Variants in DENND1A observed in about 807,000 individuals in gnomAD.
DENND1A encodes DENN domain containing 1A, also known as DENN domain-containing protein 1A.
DENND1A carries 51 observed loss-of-function variants against 113.7 expected under a neutral mutation model. The ratio of observed to expected loss-of-function variants is 0.45; its 90% CI spans 0.36 to 0.57. The LOEUF is 0.57. Ranked by LOEUF, DENND1A falls within the 20% of genes least tolerant of loss-of-function variation. DENND1A has a pLI of 0.00. For synonymous variants in DENND1A, 565 were observed against 570.8 expected, an observed-to-expected ratio of 0.99 and a Z score of 0.14; for missense variants, 1,258 against 1,395.9, an observed-to-expected ratio of 0.90 and a Z score of 1.57.
intron 12 of DENND1A, among the ~76,000 whole-genome samples, chr9:123,574,602 AC>A (rs1003244796): frequency 3.9e-5 from 6 of 152,160 alleles, no homozygotes; most frequent in Non-Finnish European, 8.8e-5. Context: ...TATTCTCCTT[AC>A]CCAGTTTCAG....
At chr9:123,389,609 C>G (rs756983774) in intron 21 of DENND1A, among the ~76,000 whole-genome samples, 1 of 152,252 alleles carries the variant, frequency 6.6e-6, no homozygotes. Flanking sequence ...CACAAACCCA[C>G]ACTTGTCACT....
At chr9:123,489,584 TAAAA>T (rs1475149862) in intron 13 of DENND1A, among the ~76,000 whole-genome samples, 1 of 152,256 alleles carries the variant, frequency 6.6e-6, no homozygotes, top group Non-Finnish European at 1.5e-5. Flanking sequence ...TTGTTTCACA[TAAAA>T]GTCAAGTTTG....
intron 5 of DENND1A, among the ~76,000 whole-genome samples, chr9:123,757,378 A>C (rs1024109344): frequency 6.6e-6 from 1 of 152,214 alleles, no homozygotes; most frequent in South Asian, 2.1e-4. Flanking sequence ...TGTCCAAGAG[A>C]AAGTCTAACA....
intron 20 of DENND1A, among the ~76,000 whole-genome samples, chr9:123,410,487 C>T (rs1199122610): frequency 6.6e-6 from 1 of 152,186 alleles, no homozygotes; most frequent in African/African-American, 2.4e-5. Context: ...TCCACGGTCA[C>T]GTGTGGCTGG....
chr9:123,528,167 T>C (rs1161100592), intron 13 of DENND1A, among the ~76,000 whole-genome samples: 1 of 152,208 alleles, frequency 6.6e-6, no homozygotes, highest in African/African-American at 2.4e-5. Context: ...GCAGGAGTCA[T>C]GAACTCAATA....
At chr9:123,786,757 A>G (rs965039796) in intron 3 of DENND1A, among the ~76,000 whole-genome samples, 1 of 152,184 alleles carries the variant, frequency 6.6e-6, no homozygotes, top group Non-Finnish European at 1.5e-5. Flanking sequence ...TGACCCTTAT[A>G]TAAGTCCTTT....
chr9:123,770,382 A>C (rs1001897752), intron 3 of DENND1A, among the ~76,000 whole-genome samples: 10 of 152,216 alleles, frequency 6.6e-5, no homozygotes, highest in African/African-American at 2.4e-4. Context: ...CAATCTTCTT[A>C]CATTACCACA....
intron 21 of DENND1A, chr9:123,401,689 T>G: frequency 6.6e-7 from 1 of 1,522,268 alleles, no homozygotes; most frequent in Non-Finnish European, 8.8e-7. Flanking sequence ...CCAACAAAAC[T>G]AAAAGTGATA....
chr9:123,472,278 G>A (rs557451620), intron 13 of DENND1A, among the ~76,000 whole-genome samples: 1 of 152,236 alleles, frequency 6.6e-6, no homozygotes, highest in African/African-American at 2.4e-5. Flanking sequence ...GGGAGGGGGA[G>A]GCATAAAAAC....
chr9:123,909,379 AAAAT>A (rs1357306706), intron 1 of DENND1A, among the ~76,000 whole-genome samples: 3 of 149,242 alleles, frequency 2.0e-5, no homozygotes, highest in African/African-American at 7.4e-5. Context: ...ATAAAAAAAT[AAAAT>A]AAAATATAAA....
intron 1 of DENND1A, among the ~76,000 whole-genome samples, chr9:123,919,214 G>A (rs1473992763): frequency 6.6e-6 from 1 of 152,064 alleles, no homozygotes; most frequent in East Asian, 1.9e-4. Context: ...GCTCATGCCT[G>A]TAATCCCAGC....
chr9:123,487,857 C>G (rs573756195), intron 13 of DENND1A, among the ~76,000 whole-genome samples: 36 of 152,348 alleles, frequency 2.4e-4, no homozygotes, highest in African/African-American at 8.4e-4. Flanking sequence ...CCCTATTTTA[C>G]AGGTGAAGAA....
intron 5 of DENND1A, among the ~76,000 whole-genome samples, chr9:123,691,084 TGA>T: frequency 6.6e-6 from 1 of 152,152 alleles, no homozygotes; most frequent in East Asian, 1.9e-4. Flanking sequence ...CACTCTTAGT[TGA>T]GAGGGAATAA....
At chr9:123,857,776 C>G (rs542984337) in intron 2 of DENND1A, among the ~76,000 whole-genome samples, 1 of 152,210 alleles carries the variant, frequency 6.6e-6, no homozygotes, top group African/African-American at 2.4e-5. Flanking sequence ...AAACATTAAA[C>G]TGGCCAGGGG....
intron 5 of DENND1A, among the ~76,000 whole-genome samples, chr9:123,741,419 T>C (rs1378742743): frequency 1.3e-5 from 2 of 152,232 alleles, no homozygotes; most frequent in Non-Finnish European, 2.9e-5. Flanking sequence ...GTAAGCAGAA[T>C]AACTACTTCC....
At chr9:123,413,029 C>T (rs1438168318) in intron 19 of DENND1A, among the ~76,000 whole-genome samples, 2 of 152,174 alleles carry the variant, frequency 1.3e-5, no homozygotes, top group South Asian at 2.1e-4. Context: ...TACAAAAATA[C>T]AAAAATTAGC....
rs1564389373 is a variant in DENND1A at position 123,381,475 on chromosome 9, T to A, written c.3170A>T (p.Asp1057Val). 1 of 1,613,212 alleles carries A rather than the reference T, an allele frequency of 6.2e-7. No individual in the cohort carries two copies. Among genetic ancestry groups the A allele is most frequent in the Non-Finnish European group, 8.5e-7 (1 of 1,179,928 alleles). The stretch of plus-strand genomic sequence containing the variant: ...CTGCTTCCTGAGCTGCTCCACCGAG[T>A]CTGGGGCCGGGGCCAGGGCCGGACT... ...SPSPALAPAP[D>V]SVEQLRKQWE... is the part of the protein sequence containing the mutation. Residue 1057 changes from aspartate (D) to valine (V), a missense_variant, in exon 24 of 24, where the codon GAC becomes GTC. Asp to Val is a radical substitution (Grantham distance 152). Transcript: ENST00000394215. This position sits in a 1 kb window ranked among gnomAD's most constrained non-coding sequence, Gnocchi z 4.7.
intron 5 of DENND1A, among the ~76,000 whole-genome samples, chr9:123,717,668 G>T (rs1023149088): frequency 4.6e-5 from 7 of 152,322 alleles, no homozygotes; most frequent in Non-Finnish European, 5.9e-5. Flanking sequence ...CTATTTTAAT[G>T]TAAGGCTTTT....
At chr9:123,423,306 C>T (rs942963284) in intron 19 of DENND1A, among the ~76,000 whole-genome samples, 11 of 152,230 alleles carry the variant, frequency 7.2e-5, no homozygotes, top group Non-Finnish European at 1.3e-4. Context: ...AGTGAATCTG[C>T]ATAATTAGGA....
Sources: allele counts gnomAD v4.1 joint callset (sites outside exome capture counted in the v4.1 genomes callset), GRCh38; gene constraint gnomAD v4.1.1; non-coding constraint Gnocchi (gnomAD v3.1); transcripts MANE v1.5; gene names NCBI Gene and HGNC (gene_info 2026-07-23, HGNC 2026-07-21).